The following GRB10 variants were observed in gnomAD, a reference collection of about 807,000 sequenced individuals.
The protein encoded by GRB10 is growth factor receptor bound protein 10.
Under a neutral mutation model 80.9 loss-of-function variants are expected in GRB10, and 20 were observed. The observed-to-expected ratio is 0.25, with a 90% CI of 0.17 to 0.36. The LOEUF is 0.36. GRB10 is among the 10% of genes least tolerant of loss of function. The probability of loss-of-function intolerance (pLI) is 1.00; values close to 1 mark genes in which losing one functional copy is unlikely to be tolerated. For missense variants in GRB10, 548 were observed against 747.7 expected, an observed-to-expected ratio of 0.73 and a Z score of 3.12; for synonymous variants, 291 against 291.5, an observed-to-expected ratio of 1.00 and a Z score of 0.02.
chr7:50,746,808 C>T (rs1025887505), intron 3 of GRB10, among the ~76,000 whole-genome samples: 1 of 152,178 alleles, frequency 6.6e-6, no homozygotes, highest in African/African-American at 2.4e-5. Context: ...CTCCAGTCCC[C>T]AGGGCTCCCC....
intron 5 of GRB10, among the ~76,000 whole-genome samples, chr7:50,698,575 C>G (rs73349023): frequency 4.6e-5 from 7 of 152,314 alleles, no homozygotes; most frequent in African/African-American, 1.7e-4. Flanking sequence ...CTCTGTTCTG[C>G]CGTGATTTCA....
intron 4 of GRB10, 70 bp from the exon 5 acceptor site, chr7:50,703,978 G>C (rs2064648160): frequency 9.9e-7 from 1 of 1,006,102 alleles, no homozygotes. Flanking sequence ...TCAACACCCA[G>C]CTTCCCCAGC....
chr7:50,627,048 A>G, intron 7 of GRB10, 70 bp from the exon 8 acceptor site: 1 of 1,499,196 alleles, frequency 6.7e-7, no homozygotes, highest in Non-Finnish European at 9.3e-7. Flanking sequence ...ACTGAAACAA[A>G]AGAAAACAGG....
rs1007078436 is a variant in GRB10 at position 50,590,602 on chromosome 7, A to G, written c.*2350T>C. 4 of 152,668 alleles carry G rather than the reference A, an allele frequency of 2.6e-5. No homozygotes were observed. Among genetic ancestry groups the G allele is most frequent in the African/African-American group, 9.7e-5 (4 of 41,448 alleles). The allele number at this position is 152,668 out of a possible 1,614,324, so 9.5% of individuals were successfully genotyped here. A position where few individuals can be genotyped will look rare whatever the true frequency, so the allele number is the denominator to read the frequency against. ...AGAGATACAAAGTCAACAGGCTCCA[A>G]AACAACCCTGAGCTGTCCCCTTTAC... On this transcript the variant is annotated 3_prime_UTR_variant, in exon 19 of 19. Coordinates refer to ENST00000401949, the MANE Select transcript of GRB10 (RefSeq NM_001350814.2).
intron 4 of GRB10, among the ~76,000 whole-genome samples, chr7:50,713,556 C>T (rs1017024107): frequency 2.7e-5 from 4 of 150,478 alleles, no homozygotes; most frequent in Admixed American, 6.6e-5. Flanking sequence ...CTATCACCTC[C>T]ACCTCCTCCA....
rs180994263 is a variant in GRB10, at chr7:50,603,208, T to G, written c.1544+790A>C. On this transcript the variant is annotated intron_variant, in intron 17 of 18. Transcript: ENST00000401949. Reference sequence around the variant, plus strand: ...GGGAGGATGATCAGCCTGTGTCTCTTTCTGGAAGACTGCTGGCTCCGCAGT... The same window carrying G: ...GGGAGGATGATCAGCCTGTGTCTCTGTCTGGAAGACTGCTGGCTCCGCAGT... Among the ~76,000 whole-genome samples the G allele has an allele frequency of 5.4e-3, 829 of 152,298 alleles. 1 individual carries two copies. The highest frequency in any genetic ancestry group is 9.2e-3 in the Non-Finnish European group (623 of 68,036).
At chr7:50,669,308 T>C (rs1379479266) in intron 7 of GRB10, among the ~76,000 whole-genome samples, 1 of 152,148 alleles carries the variant, frequency 6.6e-6, no homozygotes, top group Non-Finnish European at 1.5e-5. Context: ...GATGAGGACT[T>C]AGGAGCTTAC....
intron 5 of GRB10, among the ~76,000 whole-genome samples, chr7:50,683,446 G>A (rs73118808): frequency 0.074 from 11,324 of 152,284 alleles, 682 homozygotes; most frequent in South Asian, 0.12. Flanking sequence ...TTTAAAAATG[G>A]TAAGGATGGG....
intron 4 of GRB10, among the ~76,000 whole-genome samples, chr7:50,708,303 T>C (rs753567736): frequency 1.7e-4 from 26 of 150,038 alleles, no homozygotes; most frequent in East Asian, 1.9e-4. Context: ...ATTCAATAGA[T>C]AGACACTTCA....
intron 5 of GRB10, among the ~76,000 whole-genome samples, chr7:50,685,716 C>A (rs1378298395): frequency 6.6e-6 from 1 of 152,102 alleles, no homozygotes. Context: ...TGTTTACAGA[C>A]AAGACAGTCA....
chr7:50,745,099 G>T (rs2153698350), intron 3 of GRB10, among the ~76,000 whole-genome samples: 1 of 152,068 alleles, frequency 6.6e-6, no homozygotes, highest in Admixed American at 6.5e-5. Context: ...TATGCTGTAA[G>T]ATTTTTCAAA....
intron 2 of GRB10, among the ~76,000 whole-genome samples, chr7:50,776,027 C>G (rs1381865557): frequency 2.0e-5 from 3 of 152,170 alleles, no homozygotes; most frequent in Non-Finnish European, 2.9e-5. Context: ...ATGGGAGGGG[C>G]AGCACTGATA....
intron 5 of GRB10, among the ~76,000 whole-genome samples, chr7:50,698,595 A>G (rs1186528490): frequency 6.6e-6 from 1 of 152,152 alleles, no homozygotes; most frequent in African/African-American, 2.4e-5. Context: ...ACTGTGCTGT[A>G]TGTTTCCATA....
chr7:50,680,251 A>G (rs2061396458), intron 5 of GRB10, among the ~76,000 whole-genome samples: 1 of 152,192 alleles, frequency 6.6e-6, no homozygotes, highest in Admixed American at 6.5e-5. Context: ...GCATATAAAT[A>G]TCCTTGTACC....
At position 50,614,971 on chromosome 7, in the gene GRB10, T is replaced by C. The variant is rs914820440; in HGVS notation, c.985-91A>G. On this transcript the variant is annotated intron_variant, in intron 11 of 18. Coordinates refer to ENST00000401949, the MANE Select transcript of GRB10 (RefSeq NM_001350814.2). ...AGACAGAGGGCAGTCTCTGCACACT[T>C]ACAAGCACTTTCCCCGATGACACTA... The C allele has an allele frequency of 2.9e-5, 23 of 801,684 alleles. 1 individual carries two copies. Among genetic ancestry groups the C allele is most frequent in the Admixed American group, 2.3e-4 (13 of 55,716 alleles). 49.7% of individuals were successfully genotyped at this position (801,684 alleles called of 1,614,324 possible).
intron 14 of GRB10, among the ~76,000 whole-genome samples, chr7:50,606,129 A>G (rs1388426055): frequency 6.6e-6 from 1 of 152,144 alleles, no homozygotes; most frequent in African/African-American, 2.4e-5. Context: ...CAGGGACGGG[A>G]GAAGAACGGC....
At chr7:50,646,349 G>A (rs1183060784) in intron 7 of GRB10, among the ~76,000 whole-genome samples, 1 of 152,110 alleles carries the variant, frequency 6.6e-6, no homozygotes, top group Non-Finnish European at 1.5e-5. Flanking sequence ...AGCTGCAGGG[G>A]AAATCACAAC....
chr7:50,655,640 C>G (rs2058571202), intron 7 of GRB10, among the ~76,000 whole-genome samples: 1 of 152,236 alleles, frequency 6.6e-6, no homozygotes, highest in South Asian at 2.1e-4. Flanking sequence ...CACACCTCCT[C>G]CAGCCCAGTC....
intron 5 of GRB10, among the ~76,000 whole-genome samples, chr7:50,699,272 T>G (rs1213818059): frequency 6.6e-6 from 1 of 152,248 alleles, no homozygotes; most frequent in Non-Finnish European, 1.5e-5. Context: ...TTCATTTGCT[T>G]CTTTTATTAC....
Sources: gnomAD v4.1 joint callset for allele counts (sites outside exome capture counted in the v4.1 genomes callset) on GRCh38, gnomAD v4.1.1 for gene constraint, MANE v1.5 for transcripts, NCBI Gene and HGNC (gene_info 2026-07-23, HGNC 2026-07-21) for gene names.